Variants in NRXN3 observed in about 807,000 individuals in gnomAD.
The protein encoded by NRXN3 is neurexin 3, also known as neurexin III.
In NRXN3, 32 loss-of-function variants were observed where a neutral mutation model predicts 137.6. The observed-to-expected ratio is 0.23, with a 90% CI of 0.18 to 0.31. The LOEUF (loss-of-function observed/expected upper bound fraction) is 0.31. NRXN3 is among the 10% of genes least tolerant of loss of function. NRXN3 has a pLI of 1.00. For synonymous variants in NRXN3, 798 were observed against 784.5 expected (o/e 1.02, Z -0.29); for missense variants, 1,574 against 2,062.5 (o/e 0.76, Z 4.59).
rs2075440845 is a variant in NRXN3 at position 78,288,575 on chromosome 14, A to G, written c.728-9256A>G. ...TGGGTGCAGTGCTTTTATCTAGCAC[A>G]TCAGCTGTCCCTTCTAGCTTCATGT... On this transcript the variant is annotated intron_variant, in intron 3 of 20. Transcript: ENST00000335750. Among the ~76,000 whole-genome samples, 4 of 152,226 alleles carry G rather than the reference A, an allele frequency of 2.6e-5. No individual in the cohort carries two copies. In the South Asian group the frequency reaches 8.3e-4, roughly 31 times the overall value.
At chr14:78,768,405 CATACTA>C (rs2098715892) in intron 8 of NRXN3, among the ~76,000 whole-genome samples, 1 of 152,138 alleles carries the variant, frequency 6.6e-6, no homozygotes, top group African/African-American at 2.4e-5. Flanking sequence ...ATGGAAGAGA[CATACTA>C]TTGATCTAAG....
At chr14:78,276,576 A>C (rs919370800) in intron 2 of NRXN3, among the ~76,000 whole-genome samples, 1 of 152,232 alleles carries the variant, frequency 6.6e-6, no homozygotes, top group African/African-American at 2.4e-5. Context: ...GGAGGCTCTG[A>C]TATCATTCTC....
intron 15 of NRXN3, among the ~76,000 whole-genome samples, chr14:79,163,997 T>C (rs139932974): frequency 6.6e-5 from 10 of 152,132 alleles, no homozygotes; most frequent in African/African-American, 2.4e-4. Flanking sequence ...AAAGTAATCC[T>C]CTTCAACCTA....
chr14:79,783,667 T>C (rs1172634946), intron 19 of NRXN3, among the ~76,000 whole-genome samples: 1 of 152,212 alleles, frequency 6.6e-6, no homozygotes, highest in Non-Finnish European at 1.5e-5. Context: ...GAAAATGTGA[T>C]AGAAAGTAAT....
intron 4 of NRXN3, among the ~76,000 whole-genome samples, chr14:78,555,399 G>A (rs1431575075): frequency 6.6e-6 from 1 of 152,138 alleles, no homozygotes; most frequent in African/African-American, 2.4e-5. Flanking sequence ...TGGCTCTAGA[G>A]CTAAGTCTTC....
intron 8 of NRXN3, among the ~76,000 whole-genome samples, chr14:78,716,189 A>G (rs1005246384): frequency 5.9e-5 from 9 of 152,210 alleles, no homozygotes; most frequent in Non-Finnish European, 1.3e-4. Flanking sequence ...AGTTTAAGTA[A>G]AGGGCATAGA....
intron 16 of NRXN3, chr14:79,572,902 A>G (rs924032337): frequency 6.6e-6 from 1 of 152,218 alleles, no homozygotes; most frequent in African/African-American, 2.4e-5. Context: ...AGTTAATCAG[A>G]CAAGAAAAGA....
Position 78,533,700 on chromosome 14 carries a change from G to A in NRXN3, c.758-111420G>A, listed in dbSNP as rs80290631. Among the ~76,000 whole-genome samples the A allele has an allele frequency of 1.1e-3, 161 of 152,322 alleles. 5 individuals carry two copies. In the East Asian group the frequency reaches 0.018, roughly 17 times the overall value. The stretch of plus-strand genomic sequence containing the variant: ...TTTCTTAGTTAACTCGTGGTCATCT[G>A]TTGAAAATCAGCTCGATATCATCTC... On this transcript the variant is annotated intron_variant, in intron 4 of 20. Coordinates refer to ENST00000335750, the MANE Select transcript of NRXN3 (RefSeq NM_001330195.2).
intron 8 of NRXN3, among the ~76,000 whole-genome samples, chr14:78,725,324 A>G (rs79374599): frequency 0.02 from 2,971 of 152,356 alleles, 81 homozygotes; most frequent in African/African-American, 0.068. Context: ...GCAATGTTGT[A>G]AAGAAAAGAT....
chr14:79,402,577 C>G (rs1003177369), intron 15 of NRXN3, among the ~76,000 whole-genome samples: 1 of 152,078 alleles, frequency 6.6e-6, no homozygotes, highest in African/African-American at 2.4e-5. Flanking sequence ...TTACACCAGG[C>G]CCAGAAGAAA....
chr14:79,349,494 G>A (rs1339085120), intron 15 of NRXN3, among the ~76,000 whole-genome samples: 1 of 149,996 alleles, frequency 6.7e-6, no homozygotes, highest in Non-Finnish European at 1.5e-5. Flanking sequence ...GAAAGCCCAT[G>A]TTATGGGTTG....
Position 78,682,016 on chromosome 14 carries a change from C to T in NRXN3, c.1222-27201C>T, listed in dbSNP as rs186788890. On this transcript the variant is annotated intron_variant, in intron 6 of 20. Coordinates refer to ENST00000335750, the MANE Select transcript of NRXN3 (RefSeq NM_001330195.2). ...TCCAGTAGCAGCGATTACAGGCGAG[C>T]GCCACCATGCCCGGCTAATTTTTGT... Among the ~76,000 whole-genome samples, 24 of 152,078 alleles carry T rather than the reference C, an allele frequency of 1.6e-4. No homozygotes were observed. The East Asian group carries it at 3.5e-3, about 22-fold the overall frequency.
chr14:78,456,224 C>A (rs966627125), intron 4 of NRXN3, among the ~76,000 whole-genome samples: 2 of 152,166 alleles, frequency 1.3e-5, no homozygotes, highest in Non-Finnish European at 2.9e-5. Context: ...AAATCAGAGG[C>A]TCCAAGTGGC....
At chr14:79,347,120 C>G (rs2092926024) in intron 15 of NRXN3, among the ~76,000 whole-genome samples, 1 of 151,984 alleles carries the variant, frequency 6.6e-6, no homozygotes. Flanking sequence ...CATGCTTGTC[C>G]CCCCACCCTT....
intron 4 of NRXN3, among the ~76,000 whole-genome samples, chr14:78,455,832 G>C (rs1267796989): frequency 6.6e-6 from 1 of 152,162 alleles, no homozygotes; most frequent in Admixed American, 6.5e-5. Flanking sequence ...TTGAGCTGCT[G>C]TAGCTCCTCA....
chr14:78,894,823 T>C (rs1019264255), intron 10 of NRXN3, among the ~76,000 whole-genome samples: 1 of 151,786 alleles, frequency 6.6e-6, no homozygotes, highest in African/African-American at 2.4e-5. Flanking sequence ...ATTAATCTTC[T>C]TGTACTCCCA....
chr14:79,047,758 T>C (rs181317589), intron 15 of NRXN3, among the ~76,000 whole-genome samples: 14 of 152,136 alleles, frequency 9.2e-5, no homozygotes, highest in Non-Finnish European at 1.9e-4. Flanking sequence ...CTAAAATAGT[T>C]AAAATTTAAA....
At chr14:78,873,986 T>A (rs1187290928) in intron 10 of NRXN3, among the ~76,000 whole-genome samples, 1 of 151,716 alleles carries the variant, frequency 6.6e-6, no homozygotes, top group East Asian at 1.9e-4. Context: ...CTTTTTTTTT[T>A]TTTTTGAGAC....
chr14:78,765,927 G>A (rs1046784704), intron 8 of NRXN3, among the ~76,000 whole-genome samples: 2 of 152,076 alleles, frequency 1.3e-5, no homozygotes, highest in South Asian at 2.1e-4. Context: ...CAGTGGTTAT[G>A]ACAAAAAGGA....
Sources: allele counts gnomAD v4.1 joint callset (sites outside exome capture counted in the v4.1 genomes callset), GRCh38; gene constraint gnomAD v4.1.1; transcripts MANE v1.5; gene names NCBI Gene and HGNC (gene_info 2026-07-23, HGNC 2026-07-21).